ARPC2: variants seen among roughly 807,000 people sequenced by gnomAD.
ARPC2 encodes actin-related protein 2/3 complex subunit 2.
In ARPC2, 4 loss-of-function variants were observed where a neutral mutation model predicts 38.6. That is an observed-to-expected ratio of 0.10 (90% confidence interval 0.05 to 0.24). The LOEUF (loss-of-function observed/expected upper bound fraction) is 0.24. Among genes scored for constraint, ARPC2 ranks in the 10% least tolerant of loss-of-function variants. ARPC2 has a pLI of 1.00. For synonymous variants in ARPC2, 125 were observed against 140.8 expected, an observed-to-expected ratio of 0.89 and a Z score of 0.79; for missense variants, 229 against 387.3, an observed-to-expected ratio of 0.59 and a Z score of 3.43.
Position 218,249,474 on chromosome 2 carries a change from G to T in ARPC2, c.777+10G>T, listed in dbSNP as rs373783317. The T allele has an allele frequency of 1.3e-6, 2 of 1,573,540 alleles. No individual in the cohort carries two copies. Among genetic ancestry groups the T allele is most frequent in the African/African-American group, 1.4e-5 (1 of 73,446 alleles). On this transcript the variant is annotated intron_variant, in intron 9 of 10. Coordinates refer to ENST00000315717, the MANE Select transcript of ARPC2 (RefSeq NM_152862.3). ...CATCAAGTGCTCTAAGGTGAGGGGG[G>T]TGCCAGCATCTCAGCCTCTATGCTC...
chr2:218,248,221 T>C (rs1690094366), intron 8 of ARPC2, among the ~76,000 whole-genome samples: 1 of 152,242 alleles, frequency 6.6e-6, no homozygotes, highest in Non-Finnish European at 1.5e-5. Flanking sequence ...GCACCTTAGA[T>C]TCTTTGAAGT....
Position 218,254,000 on chromosome 2 carries a change from T to A in ARPC2, c.*85T>A, listed in dbSNP as rs745840386. 1.3e-6 allele frequency: 2 copies of A among 1,562,154 alleles called. No individual in the cohort carries two copies. The highest frequency in any genetic ancestry group is 2.2e-5 in the South Asian group (2 of 88,962). ...TAATCGTAGCTTTTAATGTTGCGCCTCTTCAGGTTCTTAAGGGATTCTCCG... is the reference window on the plus strand; with the variant it reads ...TAATCGTAGCTTTTAATGTTGCGCCACTTCAGGTTCTTAAGGGATTCTCCG... On this transcript the variant is annotated 3_prime_UTR_variant, in exon 11 of 11. Transcript: ENST00000315717.
chr2:218,246,801 C>T (rs147644277), intron 8 of ARPC2, among the ~76,000 whole-genome samples: 1 of 152,068 alleles, frequency 6.6e-6, no homozygotes, highest in Non-Finnish European at 1.5e-5. Flanking sequence ...TGAAACCACA[C>T]CTCTACTAAA....
chr2:218,226,098 C>A (rs1689489426), intron 3 of ARPC2, 144 bp downstream of exon 3: 1 of 780,838 alleles, frequency 1.3e-6, no homozygotes, highest in East Asian at 3.0e-5. Context: ...AGTTAAAGAA[C>A]AGCCTGGCAA....
intron 4 of ARPC2, among the ~76,000 whole-genome samples, chr2:218,229,880 C>T (rs1199790150): frequency 6.6e-6 from 1 of 152,000 alleles, no homozygotes; most frequent in East Asian, 1.9e-4. Flanking sequence ...TTTTATAAAG[C>T]TTATGAAGAA....
intron 8 of ARPC2, among the ~76,000 whole-genome samples, 164 bp downstream of exon 8, chr2:218,245,710 G>A (rs577567556): frequency 6.6e-6 from 1 of 152,170 alleles, no homozygotes; most frequent in South Asian, 2.1e-4. Context: ...ATGTCACAGG[G>A]TATTAATTAC....
At chr2:218,231,237 GA>G (rs1269113846) in intron 4 of ARPC2, among the ~76,000 whole-genome samples, 1 of 152,174 alleles carries the variant, frequency 6.6e-6, no homozygotes, top group Non-Finnish European at 1.5e-5. Context: ...GTCATTGGGA[GA>G]GGGGGTACAA....
Position 218,220,152 on chromosome 2 carries a change from C to G in ARPC2, c.74+2608C>G, listed in dbSNP as rs148245815. 3.6e-3 allele frequency among the ~76,000 whole-genome samples: 549 copies of G among 152,214 alleles called. 5 individuals are homozygous for G. The highest frequency in any genetic ancestry group is 0.012 in the African/African-American group (515 of 41,514). On this transcript the variant is annotated intron_variant, in intron 2 of 10. Coordinates refer to ENST00000315717, the MANE Select transcript of ARPC2 (RefSeq NM_152862.3). ...TGTTGGGGTGGAGATCAGAGAAAGA[C>G]ATTAAAGGGAGTAGTTTGGAGGAGA...
At chr2:218,218,281 C>T (rs1190789893) in intron 2 of ARPC2, among the ~76,000 whole-genome samples, 2 of 152,222 alleles carry the variant, frequency 1.3e-5, no homozygotes, top group African/African-American at 4.8e-5. Context: ...CATCAAGACC[C>T]TAGGTCTGTG....
chr2:218,222,880 C>G (rs1689416285), intron 2 of ARPC2, among the ~76,000 whole-genome samples: 1 of 152,154 alleles, frequency 6.6e-6, no homozygotes, highest in Non-Finnish European at 1.5e-5. Context: ...TAAGTAAGCA[C>G]CGTGCAGGCA....
chr2:218,221,502 C>G (rs1306597004), intron 2 of ARPC2, among the ~76,000 whole-genome samples: 1 of 152,216 alleles, frequency 6.6e-6, no homozygotes, highest in Non-Finnish European at 1.5e-5. Flanking sequence ...TAATTACACA[C>G]TGCCACCTGT....
chr2:218,251,364 A>G (rs1290288432), intron 10 of ARPC2, among the ~76,000 whole-genome samples: 1 of 152,104 alleles, frequency 6.6e-6, no homozygotes, highest in Non-Finnish European at 1.5e-5. Context: ...GGCGTGCGCC[A>G]CTAAGCCCCA....
At chr2:218,230,030 G>A (rs1008304997) in intron 4 of ARPC2, among the ~76,000 whole-genome samples, 3 of 151,968 alleles carry the variant, frequency 2.0e-5, no homozygotes, top group Non-Finnish European at 4.4e-5. Flanking sequence ...TACTGCAGTG[G>A]CGCCAGCTCA....
chr2:218,217,301 G>C, intron 1 of ARPC2, 47 bp downstream of exon 1: 2 of 636,068 alleles, frequency 3.1e-6, no homozygotes, highest in Non-Finnish European at 5.6e-6. Flanking sequence ...GCGTGGGCCA[G>C]CGCGTTCGTC....
chr2:218,221,232 TG>T (rs995468927), intron 2 of ARPC2, among the ~76,000 whole-genome samples: 10 of 151,970 alleles, frequency 6.6e-5, no homozygotes, highest in Admixed American at 4.6e-4. Flanking sequence ...TGTGGTTCCA[TG>T]GGGGGGAGTG....
chr2:218,223,242 G>A (rs903061610), intron 2 of ARPC2, among the ~76,000 whole-genome samples: 4 of 152,150 alleles, frequency 2.6e-5, no homozygotes, highest in African/African-American at 4.8e-5. Context: ...GAAATCTTGC[G>A]CTGTCCCGCC....
intron 4 of ARPC2, among the ~76,000 whole-genome samples, chr2:218,231,320 A>T (rs1399551974): frequency 6.6e-6 from 1 of 152,154 alleles, no homozygotes; most frequent in Non-Finnish European, 1.5e-5. Context: ...TACCAAGGGG[A>T]GGGAGCAAAG....
At chr2:218,221,269 T>C (rs186419252) in intron 2 of ARPC2, among the ~76,000 whole-genome samples, 84 of 152,244 alleles carry the variant, frequency 5.5e-4, no homozygotes, top group Non-Finnish European at 1.0e-3. Context: ...GCAGTGCCAG[T>C]TGGGGTGGGC....
chr2:218,220,888 T>C (rs1270081596), intron 2 of ARPC2, among the ~76,000 whole-genome samples: 1 of 152,142 alleles, frequency 6.6e-6, no homozygotes, highest in Admixed American at 6.6e-5. Flanking sequence ...ATTGGTAAAT[T>C]GTCTTCCCAG....
Sources: gnomAD v4.1 joint callset for allele counts (sites outside exome capture counted in the v4.1 genomes callset) on GRCh38, gnomAD v4.1.1 for gene constraint, MANE v1.5 for transcripts, NCBI Gene and HGNC (gene_info 2026-07-23, HGNC 2026-07-21) for gene names.